The following CHKA variants were observed in gnomAD, a reference collection of about 807,000 sequenced individuals.
The protein encoded by CHKA is choline kinase alpha, also known as CHETK-alpha.
CHKA carries 34 observed loss-of-function variants against 60.1 expected under a neutral mutation model. The observed-to-expected ratio is 0.57, with a 90% CI of 0.43 to 0.75. CHKA has a LOEUF of 0.75. CHKA is among the 30% of genes least tolerant of loss of function. CHKA has a pLI of 0.00. For missense variants in CHKA, 563 were observed against 561.3 expected (o/e 1.00, Z -0.03); for synonymous variants, 217 against 223.1 (o/e 0.97, Z 0.24).
rs997179103 is a variant in CHKA at position 68,061,684 on chromosome 11, C to T, written c.1314+269G>A. ...TTCCCCATCAGGATTGCAGGCACTT[C>T]TCTGAAGCAGGGGAGGCAAGGTCAG... On this transcript the variant is annotated intron_variant, in intron 11 of 11. Transcript: ENST00000265689. 11 of 528,486 alleles carry T rather than the reference C, an allele frequency of 2.1e-5. No homozygotes were observed. In the African/African-American group the frequency reaches 2.1e-4, roughly 10 times the overall value. 32.7% of individuals were successfully genotyped at this position (528,486 alleles called of 1,614,324 possible).
chr11:68,101,257 ATT>A, intron 1 of CHKA, among the ~76,000 whole-genome samples: 1 of 152,248 alleles, frequency 6.6e-6, no homozygotes, highest in African/African-American at 2.4e-5. Flanking sequence ...CAAAGAGGTT[ATT>A]TTACATAAAT....
At chr11:68,109,028 A>C (rs1454572327) in intron 1 of CHKA, among the ~76,000 whole-genome samples, 1 of 151,858 alleles carries the variant, frequency 6.6e-6, no homozygotes, top group Non-Finnish European at 1.5e-5. Flanking sequence ...GGGGGGAAAA[A>C]ATCCCTTCAT....
chr11:68,112,806 G>A (rs1164319281), intron 1 of CHKA, among the ~76,000 whole-genome samples: 1 of 152,142 alleles, frequency 6.6e-6, no homozygotes, highest in East Asian at 1.9e-4. Context: ...GCAGGTGCCT[G>A]GCACGGTGGT....
chr11:68,077,355 C>A (rs1293513518), intron 3 of CHKA, among the ~76,000 whole-genome samples: 2 of 152,200 alleles, frequency 1.3e-5, no homozygotes, highest in Non-Finnish European at 2.9e-5. Context: ...CTTGTCATCA[C>A]TATGTCTCCA....
intron 1 of CHKA, 89 bp from the exon 2 acceptor site, chr11:68,097,219 A>G (rs1800981822): frequency 1.1e-6 from 1 of 902,814 alleles, no homozygotes; most frequent in Non-Finnish European, 1.8e-6. Context: ...AGTCAGGGTT[A>G]CACAAGAACT....
chr11:68,107,321 CT>C (rs529972110), intron 1 of CHKA, among the ~76,000 whole-genome samples: 1 of 152,056 alleles, frequency 6.6e-6, no homozygotes, highest in Non-Finnish European at 1.5e-5. Flanking sequence ...TATTCCTCTA[CT>C]TTTTTTATCA....
At chr11:68,116,324 G>A (rs1452007310) in intron 1 of CHKA, among the ~76,000 whole-genome samples, 12 of 152,118 alleles carry the variant, frequency 7.9e-5, no homozygotes, top group Admixed American at 7.9e-4. Flanking sequence ...TGTAATCCCT[G>A]CTCTTTGGGC....
At chr11:68,086,947 CT>C (rs1251399878) in intron 2 of CHKA, among the ~76,000 whole-genome samples, 2 of 151,886 alleles carry the variant, frequency 1.3e-5, no homozygotes, top group Admixed American at 1.3e-4. Context: ...GATCGTGCCA[CT>C]TCACTCCAGC....
rs1427542205 is a variant in CHKA, at chr11:68,069,798, C to CT, written c.869+390dup. Among the ~76,000 whole-genome samples, 3 of 152,280 alleles carry CT rather than the reference C, an allele frequency of 2.0e-5. No individual in the cohort carries two copies. The East Asian group carries it at 5.8e-4, about 29-fold the overall frequency. ...TGCTTCAGAGATCAGTATGAAGACT[C>CT]TGTTTCTCGCAAAAGCCAAGGTTGA... is the stretch of plus-strand genomic sequence containing the variant. On this transcript the variant is annotated intron_variant, in intron 6 of 11. Coordinates refer to ENST00000265689, the MANE Select transcript of CHKA (RefSeq NM_001277.3).
At chr11:68,071,974 CT>C (rs1856633448) in intron 4 of CHKA, among the ~76,000 whole-genome samples, 1 of 152,210 alleles carries the variant, frequency 6.6e-6, no homozygotes, top group Non-Finnish European at 1.5e-5. Context: ...AATTACCATG[CT>C]GCAATAAGAA....
chr11:68,078,613 A>G (rs944297524), intron 3 of CHKA, among the ~76,000 whole-genome samples: 2 of 152,182 alleles, frequency 1.3e-5, no homozygotes, highest in African/African-American at 4.8e-5. Flanking sequence ...CAGGAAGAAG[A>G]GTATTGATGT....
In CHKA at chr11:68,082,283, C is replaced by T. The variant is rs78970408; in HGVS notation, c.463-826G>A. 2.9e-4 allele frequency among the ~76,000 whole-genome samples: 44 copies of T among 152,022 alleles called. 1 individual carries two copies. In the East Asian group the frequency reaches 8.3e-3, roughly 29 times the overall value. On this transcript the variant is annotated intron_variant, in intron 2 of 11. Coordinates refer to ENST00000265689, the MANE Select transcript of CHKA (RefSeq NM_001277.3). The stretch of plus-strand genomic sequence containing the variant: ...CCACCCCAAATGCTTTAAAATCCTT[C>T]GTACTATCTTTAATAAGGGAATGGG...
At chr11:68,082,078 A>C (rs1328711659) in intron 2 of CHKA, 1 of 152,198 alleles carries the variant, frequency 6.6e-6, no homozygotes, top group African/African-American at 2.4e-5. Flanking sequence ...TAAAGTCTCT[A>C]AAATTATTTC....
chr11:68,070,396 G>A (rs1397612912), intron 5 of CHKA, 103 bp from the exon 6 acceptor site: 1 of 884,200 alleles, frequency 1.1e-6, no homozygotes, highest in African/African-American at 1.7e-5. Flanking sequence ...TCCCAGCGCA[G>A]TCACAATGCC....
intron 11 of CHKA, among the ~76,000 whole-genome samples, chr11:68,055,396 AACAG>A (rs1855974988): frequency 6.6e-6 from 1 of 152,328 alleles, no homozygotes; most frequent in East Asian, 1.9e-4. Context: ...CTGTCTCAAA[AACAG>A]ACAAACAAAT....
chr11:68,056,107 T>C (rs566630476), intron 11 of CHKA, among the ~76,000 whole-genome samples: 1 of 152,326 alleles, frequency 6.6e-6, no homozygotes, highest in Non-Finnish European at 1.5e-5. Flanking sequence ...GTTCTTTATA[T>C]ATCCTAAATA....
At chr11:68,065,250 A>C (rs1856401620) in intron 9 of CHKA, among the ~76,000 whole-genome samples, 2 of 152,230 alleles carry the variant, frequency 1.3e-5, no homozygotes, top group African/African-American at 4.8e-5. Context: ...ACTACAAGGA[A>C]CTACAAAGGA....
intron 11 of CHKA, among the ~76,000 whole-genome samples, chr11:68,061,229 CTT>C (rs1041752006): frequency 1.5e-4 from 23 of 149,692 alleles, no homozygotes; most frequent in Non-Finnish European, 1.8e-4. Flanking sequence ...GCCTCAGCCT[CTT>C]GAGTAGCTGG....
chr11:68,076,690 G>A (rs1382053829), intron 3 of CHKA, among the ~76,000 whole-genome samples: 3 of 152,076 alleles, frequency 2.0e-5, no homozygotes, highest in Admixed American at 1.3e-4. Context: ...AAGGATTCTC[G>A]GAGGTGACTT....
Sources: allele counts gnomAD v4.1 joint callset (sites outside exome capture counted in the v4.1 genomes callset), GRCh38; gene constraint gnomAD v4.1.1; transcripts MANE v1.5; gene names NCBI Gene and HGNC (gene_info 2026-07-23, HGNC 2026-07-21).